DNAAF5: variants seen among roughly 807,000 people sequenced by gnomAD.
DNAAF5 encodes the protein HEAT repeat containing 2.
DNAAF5 carries 64 observed loss-of-function variants against 75.8 expected under a neutral mutation model. The ratio of observed to expected loss-of-function variants is 0.84; its 90% CI spans 0.69 to 1.04. The LOEUF (loss-of-function observed/expected upper bound fraction) is 1.04, where lower values mean the gene tolerates loss of function less well. Ranked by LOEUF, DNAAF5 falls within the 50% of genes least tolerant of loss-of-function variation. The probability of loss-of-function intolerance (pLI) is 0.00; values close to 1 mark genes in which losing one functional copy is unlikely to be tolerated. For synonymous variants in DNAAF5, 657 were observed against 557.2 expected (o/e 1.18, Z -2.52); for missense variants, 1,269 against 1,178.5 (o/e 1.08, Z -1.12).
In DNAAF5 at chr7:729,993, T is replaced by C. The variant is rs1391983021; in HGVS notation, c.780+146T>C. 4.0e-6 allele frequency: 3 copies of C among 752,294 alleles called. No individual in the cohort carries two copies. In the African/African-American group the frequency reaches 5.3e-5, roughly 13 times the overall value. 46.6% of individuals were successfully genotyped at this position (752,294 alleles called of 1,614,324 possible). A position where few individuals can be genotyped will look rare whatever the true frequency, so the allele number is the denominator to read the frequency against. On this transcript the variant is annotated intron_variant, in intron 2 of 12. Coordinates refer to ENST00000297440, the MANE Select transcript of DNAAF5 (RefSeq NM_017802.4). Reference sequence around the variant, plus strand: ...ATTATTCCTAGTCACAGGACGTTCCTGTTCACATCTTGGAAAAACTAGAAG... The same window carrying C: ...ATTATTCCTAGTCACAGGACGTTCCCGTTCACATCTTGGAAAAACTAGAAG...
chr7:749,183 C>T (rs748446282), intron 4 of DNAAF5, among the ~76,000 whole-genome samples: 2 of 152,226 alleles, frequency 1.3e-5, no homozygotes, highest in Non-Finnish European at 2.9e-5. Context: ...GAACAGAGTG[C>T]CCTTCTCACA....
intron 4 of DNAAF5, among the ~76,000 whole-genome samples, chr7:753,823 CAT>C (rs1367865525): frequency 1.4e-5 from 2 of 144,198 alleles, no homozygotes; most frequent in Non-Finnish European, 3.0e-5. Context: ...TCTCTCTCAT[CAT>C]ATGGGGATGG....
In DNAAF5 at chr7:769,206, G is replaced by A. The variant is rs180962217; in HGVS notation, c.1784-1265G>A. ...GCGAGGTCCCCAGCAACGGCTCAAG[G>A]TGACTCACAGTTGCTTGGATAAGCC... On this transcript the variant is annotated intron_variant, in intron 8 of 12. Transcript: ENST00000297440. The A allele has an allele frequency of 1.3e-4, 104 of 772,118 alleles. No individual in the cohort carries two copies. The East Asian group carries it at 2.4e-3, about 18-fold the overall frequency. The allele number at this position is 772,118 out of a possible 1,614,324, so 47.8% of individuals were successfully genotyped here.
chr7:753,792 G>A (rs951451564), intron 4 of DNAAF5, among the ~76,000 whole-genome samples: 10 of 140,632 alleles, frequency 7.1e-5, no homozygotes, highest in African/African-American at 2.7e-4. Context: ...CTCATCATAT[G>A]GCGATGGCTT....
intron 8 of DNAAF5, among the ~76,000 whole-genome samples, chr7:769,641 A>G (rs1778486096): frequency 6.6e-6 from 1 of 152,236 alleles, no homozygotes; most frequent in Non-Finnish European, 1.5e-5. Context: ...AAATTTAGAA[A>G]AGTTTAAGAA....
In DNAAF5 at chr7:761,774, C is replaced by A; in HGVS notation, c.1492C>A (p.Leu498Met). 1.9e-6 allele frequency: 3 copies of A among 1,608,030 alleles called. No homozygotes were observed. Among genetic ancestry groups the A allele is most frequent in the Non-Finnish European group, 2.5e-6 (3 of 1,177,418 alleles). Residue 498 changes from leucine (L) to methionine (M), a missense_variant, in exon 7 of 13, where the codon CTG becomes ATG. Leu to Met is a conservative substitution (Grantham distance 15). Transcript: ENST00000297440. The stretch of plus-strand genomic sequence containing the variant: ...CCAGGACCTCTACCTGGAGCGCCTG[C>A]TGCTGTGTGTGCAGGCTCTGGTGTC... ...SENDLYLERL[L>M]LCVQALVSVC...
intron 11 of DNAAF5, 126 bp downstream of exon 11, chr7:775,288 T>C: frequency 1.2e-6 from 1 of 857,014 alleles, no homozygotes; most frequent in South Asian, 1.6e-5. Flanking sequence ...GTGTGGTGGT[T>C]CACACCTTTA....
At chr7:783,311 TGA>T (rs1247465458) in intron 12 of DNAAF5, among the ~76,000 whole-genome samples, 1 of 151,886 alleles carries the variant, frequency 6.6e-6, no homozygotes, top group Non-Finnish European at 1.5e-5. Flanking sequence ...TGCGTGAGGG[TGA>T]GTGTGGCAGG....
At chr7:770,913 C>G (rs1189629013) in intron 9 of DNAAF5, 2 of 319,040 alleles carry the variant, frequency 6.3e-6, no homozygotes, top group African/African-American at 4.1e-5. Flanking sequence ...GTGCAGTGAC[C>G]CCTGAGCTTA....
At chr7:752,132 G>A (rs945622941) in intron 4 of DNAAF5, among the ~76,000 whole-genome samples, 1 of 152,220 alleles carries the variant, frequency 6.6e-6, no homozygotes, top group Non-Finnish European at 1.5e-5. Context: ...GCGGACCACT[G>A]ACTTGATGAA....
chr7:756,233 T>G (rs1583497658), intron 5 of DNAAF5, among the ~76,000 whole-genome samples: 1 of 89,562 alleles, frequency 1.1e-5, no homozygotes, highest in African/African-American at 4.5e-5. Flanking sequence ...TGGTGTGTGG[T>G]GTCCACTGTG....
rs759671132 is a variant in DNAAF5, at chr7:774,191, C to T, written c.2075C>T (p.Ala692Val). 169 of 1,606,992 alleles carry T rather than the reference C, an allele frequency of 1.1e-4. 2 individuals are homozygous for T. The East Asian group carries it at 3.1e-3, about 30-fold the overall frequency. Reference protein sequence around the residue: ...WALTSSEVLSAEQIRDVQETL... With the variant: ...WALTSSEVLSVEQIRDVQETL... ...CTCACCAGCAGCGAGGTCCTGTCGG[C>T]AGAGCAGGTACGGGGCTCCCTGCGT... Residue 692 changes from alanine to valine, a missense_variant, in exon 10 of 13, where the codon GCA becomes GTA. Transcript: ENST00000297440.
chr7:735,844 T>G (rs1781726604), intron 2 of DNAAF5, among the ~76,000 whole-genome samples: 1 of 152,216 alleles, frequency 6.6e-6, no homozygotes, highest in African/African-American at 2.4e-5. Context: ...CTTGCTTTCC[T>G]AGTTCTTTAC....
intron 6 of DNAAF5, among the ~76,000 whole-genome samples, chr7:759,536 G>A (rs1782581649): frequency 6.6e-6 from 1 of 152,158 alleles, no homozygotes; most frequent in African/African-American, 2.4e-5. Flanking sequence ...AACCTTTGCA[G>A]TCTTAGATAA....
chr7:727,375 TCCGCGGCCCCTCTCACAACCC>T (rs1235843368), intron 1 of DNAAF5, 60 bp downstream of exon 1: 6 of 771,158 alleles, frequency 7.8e-6, no homozygotes, highest in Non-Finnish European at 4.5e-6. Flanking sequence ...CACCTCCACC[TCCGCGGCCCCTCTCACAACCC>T]CCGCGGCTCG....
At chr7:742,310 A>T (rs190925751) in intron 4 of DNAAF5, among the ~76,000 whole-genome samples, 2 of 150,406 alleles carry the variant, frequency 1.3e-5, no homozygotes, top group African/African-American at 5.0e-5. Context: ...GCCCAGCCCA[A>T]ATCAGATGCC....
At chr7:780,855 TTGG>T (rs1256964306) in intron 12 of DNAAF5, among the ~76,000 whole-genome samples, 2 of 151,386 alleles carry the variant, frequency 1.3e-5, no homozygotes, top group African/African-American at 4.9e-5. Flanking sequence ...TGTTTTGTTG[TTGG>T]TGAATATAAT....
intron 4 of DNAAF5, 41 bp downstream of exon 4, chr7:741,506 C>T (rs1781911883): frequency 7.9e-7 from 1 of 1,273,718 alleles, no homozygotes; most frequent in Non-Finnish European, 1.1e-6. Flanking sequence ...GAGGCGAGCC[C>T]TTGTTGGGTG....
rs534510222 is a variant in DNAAF5 at position 768,999 on chromosome 7, T to G, written c.1784-1472T>G. 645 of 607,050 alleles carry G rather than the reference T, an allele frequency of 1.1e-3. 14 individuals are homozygous for G. The South Asian group carries it at 0.011, about 10-fold the overall frequency. The allele number at this position is 607,050 out of a possible 1,614,324, so 37.6% of individuals were successfully genotyped here. On this transcript the variant is annotated intron_variant, in intron 8 of 12. Transcript: ENST00000297440. ...GTCCCAGCAGCTTCGGTGCAACGCC[T>G]CCTGCCCGGCTGCGTGGGGAGGCCC...
Sources: gnomAD v4.1 joint callset for allele counts (sites outside exome capture counted in the v4.1 genomes callset) on GRCh38, gnomAD v4.1.1 for gene constraint, MANE v1.5 for transcripts, NCBI Gene and HGNC (gene_info 2026-07-23, HGNC 2026-07-21) for gene names.